The following IQSEC1 variants were observed in gnomAD, a reference collection of about 807,000 sequenced individuals.
The protein encoded by IQSEC1 is IQ motif and SEC7 domain-containing protein 1.
In IQSEC1, 31 loss-of-function variants were observed where a neutral mutation model predicts 91.0. The observed-to-expected ratio is 0.34, with a 90% CI of 0.26 to 0.46. IQSEC1 has a LOEUF of 0.46. Among genes scored for constraint, IQSEC1 ranks in the 20% least tolerant of loss-of-function variants. The probability of loss-of-function intolerance (pLI) is 1.00; values close to 1 mark genes in which losing one functional copy is unlikely to be tolerated. For missense variants in IQSEC1, 1,388 were observed against 1,575.6 expected, an observed-to-expected ratio of 0.88 and a Z score of 2.02; for synonymous variants, 699 against 662.6, an observed-to-expected ratio of 1.05 and a Z score of -0.84.
chr3:12,937,561 C>T (rs1698313484), intron 2 of IQSEC1, among the ~76,000 whole-genome samples: 1 of 152,200 alleles, frequency 6.6e-6, no homozygotes, highest in Admixed American at 6.5e-5. Context: ...GGCTATGCCC[C>T]TTGGTAGCTG....
At chr3:13,002,197 C>G in intron 1 of IQSEC1, among the ~76,000 whole-genome samples, 1 of 152,124 alleles carries the variant, frequency 6.6e-6, no homozygotes, top group East Asian at 1.9e-4. Context: ...TCAAATTAAT[C>G]AAAGACCTAA....
intron 2 of IQSEC1, among the ~76,000 whole-genome samples, chr3:13,144,804 A>T (rs1232189132): frequency 6.6e-6 from 1 of 152,126 alleles, no homozygotes; most frequent in African/African-American, 2.4e-5. Flanking sequence ...CTCTGCTGAG[A>T]AGGAACACAG....
chr3:12,905,968 G>A (rs768816952), intron 12 of IQSEC1, among the ~76,000 whole-genome samples: 3 of 152,192 alleles, frequency 2.0e-5, no homozygotes, highest in Non-Finnish European at 2.9e-5. Context: ...TAGCCCAAGG[G>A]AGACCAGGGC....
At chr3:13,274,423 T>C (rs1461022490) in intron 1 of IQSEC1, among the ~76,000 whole-genome samples, 1 of 152,254 alleles carries the variant, frequency 6.6e-6, no homozygotes, top group Non-Finnish European at 1.5e-5. Context: ...CTTGGCAAGC[T>C]GTGCTCCTGC....
At position 12,908,378 on chromosome 3, in the gene IQSEC1, C is replaced by T. The variant is rs1695213659; in HGVS notation, c.2726G>A (p.Ser909Asn). 4 of 1,612,320 alleles carry T rather than the reference C, an allele frequency of 2.5e-6. No homozygotes were observed. Among genetic ancestry groups the T allele is most frequent in the Non-Finnish European group, 3.4e-6 (4 of 1,180,016 alleles). ...TTCCGAGAGGTCCCGCAGGGAGCTG[C>T]TGAGGGCGCTGCGCTTGAGGCCCTC... ...SGEGLKRSAL[S>N]SSLRDLSEAG... The change falls in exon 12 of 14, where the codon AGC becomes AAC. Residue 909 changes from serine (S) to asparagine (N), a missense_variant. Physicochemically the swap from Ser to Asn is conservative, Grantham distance 46 (BLOSUM62 1). Coordinates refer to ENST00000613206, the MANE Select transcript of IQSEC1 (RefSeq NM_001134382.3). The surrounding 1 kb of genome is among the most constrained non-coding windows in gnomAD (Gnocchi z 4.9).
chr3:13,279,293 T>C (rs1298590811), intron 1 of IQSEC1, among the ~76,000 whole-genome samples: 2 of 152,212 alleles, frequency 1.3e-5, no homozygotes, highest in Non-Finnish European at 2.9e-5. Context: ...CACTAGCATG[T>C]AGCCAACCAG....
chr3:13,030,385 C>A (rs1016608419), intron 1 of IQSEC1, among the ~76,000 whole-genome samples: 3 of 152,224 alleles, frequency 2.0e-5, no homozygotes, highest in Non-Finnish European at 2.9e-5. Context: ...TAGGCATGAG[C>A]CACCACGCTC....
At chr3:13,143,776 G>A (rs916548057) in intron 2 of IQSEC1, among the ~76,000 whole-genome samples, 3 of 152,202 alleles carry the variant, frequency 2.0e-5, no homozygotes, top group Admixed American at 1.3e-4. Flanking sequence ...TCACACTGAG[G>A]GAAGGAAGTA....
At chr3:13,265,857 G>C (rs1262000089) in intron 1 of IQSEC1, among the ~76,000 whole-genome samples, 2 of 142,140 alleles carry the variant, frequency 1.4e-5, no homozygotes, top group Non-Finnish European at 3.0e-5. Context: ...GAGAGGCTGA[G>C]AAGGGCAGGC....
intron 1 of IQSEC1, among the ~76,000 whole-genome samples, chr3:13,188,854 C>A (rs1576288036): frequency 6.6e-6 from 1 of 152,342 alleles, no homozygotes; most frequent in East Asian, 1.9e-4. Context: ...TCCAGCCATG[C>A]CTGAAGGTTG....
chr3:12,920,718 A>G, intron 5 of IQSEC1, 122 bp from the exon 6 acceptor site: 1 of 1,034,602 alleles, frequency 9.7e-7, no homozygotes, highest in South Asian at 1.5e-5. Context: ...AGCGAGGATC[A>G]CACCTGCCTG....
intron 1 of IQSEC1, among the ~76,000 whole-genome samples, chr3:13,247,225 C>A (rs1003628874): frequency 2.0e-5 from 3 of 152,178 alleles, no homozygotes; most frequent in Non-Finnish European, 4.4e-5. Flanking sequence ...AATAGATGTG[C>A]CTGCCCAGAC....
intron 2 of IQSEC1, among the ~76,000 whole-genome samples, chr3:13,079,262 C>T (rs1181175618): frequency 6.6e-6 from 1 of 152,252 alleles, no homozygotes; most frequent in Non-Finnish European, 1.5e-5. Flanking sequence ...CCTTCCTAAA[C>T]CTCACGCTCC....
At position 12,899,506 on chromosome 3, in the gene IQSEC1, G is replaced by C; in HGVS notation, c.*1477C>G. 1.3e-6 allele frequency: 2 copies of C among 1,563,404 alleles called. No individual in the cohort carries two copies. Among genetic ancestry groups the C allele is most frequent in the Non-Finnish European group, 1.7e-6 (2 of 1,152,016 alleles). On this transcript the variant is annotated 3_prime_UTR_variant, in exon 14 of 14. Transcript: ENST00000613206. Reference sequence around the variant, plus strand: ...GCAGGTCTGGCCCTGGGGAGCGCATGGTGTCACCACAACACAGAAGCGACA... The same window carrying C: ...GCAGGTCTGGCCCTGGGGAGCGCATCGTGTCACCACAACACAGAAGCGACA...
chr3:13,074,423 G>T (rs1436119958), upstream of IQSEC1, among the ~76,000 whole-genome samples: 2 of 152,196 alleles, frequency 1.3e-5, no homozygotes, highest in Non-Finnish European at 2.9e-5. Flanking sequence ...TTCCCACACA[G>T]ATTTCTCTCT....
intron 1 of IQSEC1, among the ~76,000 whole-genome samples, chr3:12,966,954 G>C (rs540298305): frequency 6.6e-6 from 1 of 152,002 alleles, no homozygotes; most frequent in Non-Finnish European, 1.5e-5. Flanking sequence ...TTGGAAACAG[G>C]CACAGACCCG....
At chr3:13,075,525 G>A (rs1487196679), upstream of IQSEC1, among the ~76,000 whole-genome samples, 1 of 152,206 alleles carries the variant, frequency 6.6e-6, no homozygotes. Context: ...CCTTTCCTGG[G>A]CTTCCTCTTT....
intron 1 of IQSEC1, among the ~76,000 whole-genome samples, chr3:13,241,515 T>C (rs1695020888): frequency 6.6e-6 from 1 of 152,220 alleles, no homozygotes; most frequent in Admixed American, 6.5e-5. Context: ...TGCCCAGCCC[T>C]TGAAGTCACA....
At chr3:12,932,073 T>C (rs1697724485) in intron 3 of IQSEC1, among the ~76,000 whole-genome samples, 1 of 152,200 alleles carries the variant, frequency 6.6e-6, no homozygotes, top group Admixed American at 6.5e-5. Flanking sequence ...CATGGTCACC[T>C]GGGCTCATTC....
Sources: gnomAD v4.1 joint callset for allele counts (sites outside exome capture counted in the v4.1 genomes callset) on GRCh38, gnomAD v4.1.1 for gene constraint, Gnocchi (gnomAD v3.1) non-coding constraint, MANE v1.5 for transcripts, NCBI Gene and HGNC (gene_info 2026-07-23, HGNC 2026-07-21) for gene names.